Variants in SGCD observed in about 807,000 individuals in gnomAD.
The protein encoded by SGCD is delta-sarcoglycan.
A neutral mutation model predicts 36.6 loss-of-function variants in SGCD; 18 were observed. The observed-to-expected ratio is 0.49, with a 90% CI of 0.34 to 0.73. The LOEUF (loss-of-function observed/expected upper bound fraction) is 0.73, where lower values mean the gene tolerates loss of function less well. Among genes scored for constraint, SGCD ranks in the 30% least tolerant of loss-of-function variants. The probability of loss-of-function intolerance (pLI) is 0.01; values close to 1 mark genes in which losing one functional copy is unlikely to be tolerated. For missense variants in SGCD, 387 were observed against 346.7 expected, an observed-to-expected ratio of 1.12 and a Z score of -0.92; for synonymous variants, 133 against 130.6, an observed-to-expected ratio of 1.02 and a Z score of -0.12.
At chr5:156,121,776 T>G (rs1762046866) in intron 2 of SGCD, among the ~76,000 whole-genome samples, 1 of 152,168 alleles carries the variant, frequency 6.6e-6, no homozygotes, top group Non-Finnish European at 1.5e-5. Flanking sequence ...TAACCCTGGA[T>G]TCCTTTACTT....
intron 1 of SGCD, among the ~76,000 whole-genome samples, chr5:156,092,015 C>G (rs1761257231): frequency 6.6e-6 from 1 of 152,210 alleles, no homozygotes; most frequent in African/African-American, 2.4e-5. Context: ...GGACATAGAG[C>G]ATGCATGGCT....
Position 156,647,541 on chromosome 5 carries a change from A to G in SGCD, c.575+5A>G. 1 of 1,561,898 alleles carries G rather than the reference A, an allele frequency of 6.4e-7. No homozygotes were observed. Among genetic ancestry groups the G allele is most frequent in the Non-Finnish European group, 8.7e-7 (1 of 1,148,700 alleles). On this transcript the variant is annotated splice_donor_5th_base_variant and intron_variant, in intron 7 of 8. Coordinates refer to ENST00000337851, the MANE Select transcript of SGCD (RefSeq NM_000337.6). Reference sequence around the variant, plus strand: ...AGACCCCTTCAAAGAACTAAGGTAAACTTCTGACTTTGGTTTGCATTGATT... The same window carrying G: ...AGACCCCTTCAAAGAACTAAGGTAAGCTTCTGACTTTGGTTTGCATTGATT...
intron 3 of SGCD, among the ~76,000 whole-genome samples, chr5:156,170,904 A>C (rs943682944): frequency 2.0e-5 from 3 of 152,216 alleles, no homozygotes; most frequent in Non-Finnish European, 1.5e-5. Flanking sequence ...CCTTGGAATT[A>C]GTACTTGAAA....
chr5:156,647,753 G>C (rs919967605), intron 7 of SGCD, among the ~76,000 whole-genome samples: 3 of 152,116 alleles, frequency 2.0e-5, no homozygotes, highest in African/African-American at 4.8e-5. Flanking sequence ...TGCCCACTTT[G>C]TGAAATCTAG....
At chr5:156,450,420 T>C (rs906020166) in intron 3 of SGCD, among the ~76,000 whole-genome samples, 22 of 152,096 alleles carry the variant, frequency 1.4e-4, no homozygotes, top group Non-Finnish European at 2.8e-4. Context: ...GGAATTTGGT[T>C]CAGAAAGAGA....
chr5:155,933,305 C>CAT (rs1757133308), intron 1 of SGCD, among the ~76,000 whole-genome samples: 1 of 152,142 alleles, frequency 6.6e-6, no homozygotes, highest in Admixed American at 6.6e-5. Flanking sequence ...ATATTAATAT[C>CAT]ATATATATCC....
At chr5:155,979,794 G>A (rs1296503474) in intron 1 of SGCD, among the ~76,000 whole-genome samples, 1 of 152,126 alleles carries the variant, frequency 6.6e-6, no homozygotes, top group African/African-American at 2.4e-5. Flanking sequence ...AGAGGGTTTG[G>A]GCAGTGCCCA....
At chr5:156,637,327 T>C (rs1762867156) in intron 6 of SGCD, among the ~76,000 whole-genome samples, 1 of 152,162 alleles carries the variant, frequency 6.6e-6, no homozygotes, top group African/African-American at 2.4e-5. Flanking sequence ...TGGGTATGTC[T>C]TTATTAGCAG....
At chr5:156,073,115 A>T (rs972341155) in intron 1 of SGCD, among the ~76,000 whole-genome samples, 3 of 152,118 alleles carry the variant, frequency 2.0e-5, no homozygotes, top group Non-Finnish European at 4.4e-5. Context: ...TCATCTGAAG[A>T]GAATATGGCC....
chr5:155,730,539 T>C, the SGCD span, among the ~76,000 whole-genome samples: 1 of 150,076 alleles, frequency 6.7e-6, no homozygotes, highest in Admixed American at 6.6e-5. Context: ...GGCACTCCGT[T>C]TTTACTTAGA....
intron 4 of SGCD, among the ~76,000 whole-genome samples, chr5:156,522,135 T>C (rs1342746765): frequency 1.3e-5 from 2 of 151,938 alleles, no homozygotes; most frequent in African/African-American, 4.8e-5. Flanking sequence ...TGTGTGGGAA[T>C]TGAACAATGA....
At chr5:156,536,551 G>C (rs112213160) in intron 4 of SGCD, among the ~76,000 whole-genome samples, 1 of 152,084 alleles carries the variant, frequency 6.6e-6, no homozygotes, top group South Asian at 2.1e-4. Context: ...GTAAAATGCA[G>C]CTTTATTTTT....
chr5:155,959,246 A>C (rs1426020230), intron 1 of SGCD, among the ~76,000 whole-genome samples: 1 of 152,080 alleles, frequency 6.6e-6, no homozygotes, highest in African/African-American at 2.4e-5. Context: ...CTATATCTTC[A>C]TTCATTCCTT....
chr5:156,375,317 A>T (rs1230228034), intron 3 of SGCD, among the ~76,000 whole-genome samples: 1 of 152,042 alleles, frequency 6.6e-6, no homozygotes, highest in African/African-American at 2.4e-5. Context: ...CAGGACACTT[A>T]AAATTGCTGT....
chr5:155,916,749 G>GA (rs1374309166), intron 1 of SGCD, among the ~76,000 whole-genome samples: 1 of 152,188 alleles, frequency 6.6e-6, no homozygotes, highest in Non-Finnish European at 1.5e-5. Flanking sequence ...GGAAAGTTTA[G>GA]AGTGACAGTA....
intron 3 of SGCD, among the ~76,000 whole-genome samples, chr5:156,225,309 CAT>C (rs1207301406): frequency 6.6e-6 from 1 of 152,060 alleles, no homozygotes; most frequent in Non-Finnish European, 1.5e-5. Flanking sequence ...TTTTAATAAA[CAT>C]AACAGTAATT....
chr5:156,130,299 G>A (rs1323335519), intron 3 of SGCD, among the ~76,000 whole-genome samples: 1 of 152,032 alleles, frequency 6.6e-6, no homozygotes, highest in Non-Finnish European at 1.5e-5. Context: ...CTTTTGAAAA[G>A]TATTTATGTC....
chr5:156,633,100 G>A (rs1032424826), intron 6 of SGCD, among the ~76,000 whole-genome samples: 1 of 152,136 alleles, frequency 6.6e-6, no homozygotes, highest in Non-Finnish European at 1.5e-5. Context: ...TTTTCTCATG[G>A]AGATTACACC....
At chr5:156,242,026 A>T (rs1232764920) in intron 3 of SGCD, among the ~76,000 whole-genome samples, 1 of 152,122 alleles carries the variant, frequency 6.6e-6, no homozygotes, top group Non-Finnish European at 1.5e-5. Flanking sequence ...TGTCACAAAT[A>T]AAGTAGGGGG....
Sources: gnomAD v4.1 joint callset for allele counts (sites outside exome capture counted in the v4.1 genomes callset) on GRCh38, gnomAD v4.1.1 for gene constraint, MANE v1.5 for transcripts, NCBI Gene and HGNC (gene_info 2026-07-23, HGNC 2026-07-21) for gene names.